The following LMX1A variants were observed in gnomAD, a reference collection of about 807,000 sequenced individuals.
LMX1A encodes LIM homeobox transcription factor 1 alpha.
LMX1A carries 15 observed loss-of-function variants against 49.1 expected under a neutral mutation model. That is an observed-to-expected ratio of 0.31 (90% CI 0.20 to 0.47). The LOEUF (loss-of-function observed/expected upper bound fraction) is 0.47. Among genes scored for constraint, LMX1A ranks in the 20% least tolerant of loss-of-function variants. LMX1A has a pLI of 1.00. For synonymous variants in LMX1A, 167 were observed against 185.7 expected, an observed-to-expected ratio of 0.90 and a Z score of 0.82; for missense variants, 372 against 475.8, an observed-to-expected ratio of 0.78 and a Z score of 2.03.
At position 165,356,560 on chromosome 1, in the gene LMX1A, G is replaced by T. The variant is rs1391490546; in HGVS notation, c.-228C>A. 5 of 152,198 alleles carry T rather than the reference G, an allele frequency of 3.3e-5. No individual in the cohort carries two copies. Among genetic ancestry groups the T allele is most frequent in the Non-Finnish European group, 5.9e-5 (4 of 68,034 alleles). The allele number at this position is 152,198 out of a possible 1,614,324, so 9.4% of individuals were successfully genotyped here. A position where few individuals can be genotyped will look rare whatever the true frequency, so the allele number is the denominator to read the frequency against. The stretch of plus-strand genomic sequence containing the variant: ...CCAGGCTGGGCCGGGACGTGGTCGC[G>T]AGCTGCCGGCCTTCCCGGGACGTCC... On this transcript the variant is annotated 5_prime_UTR_variant, in exon 1 of 9. Coordinates refer to ENST00000342310, the MANE Select transcript of LMX1A (RefSeq NM_177398.4).
intron 3 of LMX1A, among the ~76,000 whole-genome samples, chr1:165,316,171 A>G (rs796065428): frequency 1.9e-4 from 29 of 152,328 alleles, no homozygotes; most frequent in Middle Eastern, 3.4e-3. Flanking sequence ...TGCCTTGGTG[A>G]CATTCTGTCT....
chr1:165,240,047 T>G (rs1039518276), intron 4 of LMX1A, among the ~76,000 whole-genome samples: 15 of 152,230 alleles, frequency 9.9e-5, no homozygotes, highest in African/African-American at 2.9e-4. Context: ...ATGAAATTAC[T>G]ACAGTGGGCT....
chr1:165,226,458 T>C (rs1473164753), intron 4 of LMX1A, among the ~76,000 whole-genome samples: 1 of 152,216 alleles, frequency 6.6e-6, no homozygotes, highest in South Asian at 2.1e-4. Flanking sequence ...CTCAGTGTCC[T>C]AGATCAAGTC....
chr1:165,326,694 T>C (rs2055679), intron 3 of LMX1A, among the ~76,000 whole-genome samples: 131,410 of 152,170 alleles, frequency 0.86, 57,467 homozygotes, highest in East Asian at 0.94. Context: ...TCTTCCCCAG[T>C]TCTTCCTAGG....
chr1:165,340,147 G>C (rs549452003), intron 3 of LMX1A, among the ~76,000 whole-genome samples: 79 of 152,186 alleles, frequency 5.2e-4, no homozygotes, highest in African/African-American at 1.9e-3. Flanking sequence ...TTGCTCTGTT[G>C]CCCAGGTTGG....
At chr1:165,317,458 ATAAC>A (rs1452784123) in intron 3 of LMX1A, among the ~76,000 whole-genome samples, 1 of 152,238 alleles carries the variant, frequency 6.6e-6, no homozygotes, top group Non-Finnish European at 1.5e-5. Flanking sequence ...TTAATACAAA[ATAAC>A]TACAGTATTA....
chr1:165,334,418 A>G (rs1655841022), intron 3 of LMX1A, among the ~76,000 whole-genome samples: 1 of 152,204 alleles, frequency 6.6e-6, no homozygotes, highest in South Asian at 2.1e-4. Context: ...TACATTGATC[A>G]TCTCATTTAA....
At chr1:165,330,453 A>G (rs187290425) in intron 3 of LMX1A, among the ~76,000 whole-genome samples, 528 of 152,342 alleles carry the variant, frequency 3.5e-3, no homozygotes, top group African/African-American at 0.012. Flanking sequence ...CCTAGGCAGA[A>G]CAGAAAGACC....
intron 4 of LMX1A, among the ~76,000 whole-genome samples, chr1:165,229,801 G>A (rs1228660895): frequency 6.6e-6 from 1 of 151,936 alleles, no homozygotes. Flanking sequence ...CTTTTTTCTG[G>A]TTGTTAGTGG....
At chr1:165,259,309 A>G (rs1653353716) in intron 3 of LMX1A, among the ~76,000 whole-genome samples, 1 of 152,202 alleles carries the variant, frequency 6.6e-6, no homozygotes, top group African/African-American at 2.4e-5. Context: ...ACCCTAACCC[A>G]AGGTCAATAT....
At chr1:165,351,292 G>T (rs762790854) in intron 3 of LMX1A, among the ~76,000 whole-genome samples, 22 of 152,142 alleles carry the variant, frequency 1.4e-4, no homozygotes, top group Non-Finnish European at 3.1e-4. Flanking sequence ...TAAGCAGAAA[G>T]TTAAAGATTG....
chr1:165,321,964 T>C (rs574351413), intron 3 of LMX1A, among the ~76,000 whole-genome samples: 1 of 151,664 alleles, frequency 6.6e-6, no homozygotes, highest in African/African-American at 2.4e-5. Flanking sequence ...ATATATAGAG[T>C]GCTAAACAAT....
intron 4 of LMX1A, among the ~76,000 whole-genome samples, chr1:165,238,816 G>A (rs1352167819): frequency 1.3e-5 from 2 of 152,216 alleles, no homozygotes; most frequent in African/African-American, 4.8e-5. Flanking sequence ...ACACAGCATA[G>A]TGTTTAATGA....
chr1:165,210,954 A>G, intron 5 of LMX1A, 178 bp from the exon 6 acceptor site: 1 of 436,742 alleles, frequency 2.3e-6, no homozygotes, highest in Non-Finnish European at 4.0e-6. Context: ...GGTAGAAAGA[A>G]AGTCCTTCAC....
chr1:165,307,822 T>A (rs1192239825), intron 3 of LMX1A, among the ~76,000 whole-genome samples: 1 of 152,220 alleles, frequency 6.6e-6, no homozygotes. Flanking sequence ...TGACCATATG[T>A]ATTTAGACTG....
intron 3 of LMX1A, among the ~76,000 whole-genome samples, chr1:165,264,735 A>C (rs930449361): frequency 6.6e-6 from 1 of 151,910 alleles, no homozygotes; most frequent in African/African-American, 2.4e-5. Context: ...AGCAGGAGGA[A>C]CGCTTTAGCC....
intron 4 of LMX1A, among the ~76,000 whole-genome samples, chr1:165,223,903 G>A (rs1651944958): frequency 6.6e-6 from 1 of 152,110 alleles, no homozygotes; most frequent in African/African-American, 2.4e-5. Context: ...TAAGAGAGAT[G>A]CTTTGGACTC....
chr1:165,234,701 C>A (rs1198913281), intron 4 of LMX1A, among the ~76,000 whole-genome samples: 1 of 152,158 alleles, frequency 6.6e-6, no homozygotes, highest in South Asian at 2.1e-4. Context: ...AGGTCTTCAC[C>A]GCCAAGGCCA....
chr1:165,302,045 C>T (rs879258351), intron 3 of LMX1A, among the ~76,000 whole-genome samples: 4 of 152,096 alleles, frequency 2.6e-5, no homozygotes, highest in Admixed American at 1.3e-4. Flanking sequence ...AAGTGACTTC[C>T]CCAAGTTCAC....
Sources: allele counts gnomAD v4.1 joint callset (sites outside exome capture counted in the v4.1 genomes callset), GRCh38; gene constraint gnomAD v4.1.1; transcripts MANE v1.5; gene names NCBI Gene and HGNC (gene_info 2026-07-23, HGNC 2026-07-21).